SLC35G1: variants seen among roughly 807,000 people sequenced by gnomAD.
The protein encoded by SLC35G1 is solute carrier family 35 member G1.
In SLC35G1, 10 loss-of-function variants were observed where a neutral mutation model predicts 17.1. The observed-to-expected ratio is 0.59, with a 90% CI of 0.36 to 0.99. The LOEUF (loss-of-function observed/expected upper bound fraction) is 0.99. Among genes scored for constraint, SLC35G1 ranks in the 50% least tolerant of loss-of-function variants. SLC35G1 has a pLI of 0.01. For missense variants in SLC35G1, 433 were observed against 468.4 expected, an observed-to-expected ratio of 0.92 and a Z score of 0.70; for synonymous variants, 185 against 181.1, an observed-to-expected ratio of 1.02 and a Z score of -0.18.
chr10:93,909,149 C>T (rs2060444199), exon 3 of SLC35G1: 1 of 152,262 alleles, frequency 6.6e-6, no homozygotes, highest in Admixed American at 6.5e-5. Flanking sequence ...TCTGTCCTAG[C>T]TAGTTTTGTG....
At chr10:93,897,162 G>GT (rs2060338332) in intron 1 of SLC35G1, among the ~76,000 whole-genome samples, 1 of 152,194 alleles carries the variant, frequency 6.6e-6, no homozygotes, top group African/African-American at 2.4e-5. Context: ...TTCCAAAGCA[G>GT]TATCTTCAGC....
At chr10:93,907,160 C>A (rs1267267914), downstream of SLC35G1, 1 of 152,228 alleles carries the variant, frequency 6.6e-6, no homozygotes, top group Non-Finnish European at 1.5e-5. Context: ...GGCCAGATCA[C>A]TTGAGTCCAG....
downstream of SLC35G1, chr10:93,907,922 T>C (rs1041048496): frequency 6.6e-6 from 1 of 152,198 alleles, no homozygotes; most frequent in African/African-American, 2.4e-5. Context: ...ATACATTATG[T>C]CATACATACA....
Position 93,894,116 on chromosome 10 carries a change from C to T in SLC35G1, c.83C>T (p.Thr28Ile), listed in dbSNP as rs1442041651. The T allele has an allele frequency of 6.7e-7, 1 of 1,487,016 alleles. No individual in the cohort carries two copies. Among genetic ancestry groups the T allele is most frequent in the Non-Finnish European group, 8.9e-7 (1 of 1,126,266 alleles). The allele number at this position is 1,487,016 out of a possible 1,614,324, so 92.1% of individuals were successfully genotyped here. A position where few individuals can be genotyped will look rare whatever the true frequency, so the allele number is the denominator to read the frequency against. ...PLTDDAPPGA[T>I]EEPAAAEAAG... ...ACGGACGATGCACCCCCGGGCGCCA[C>T]TGAGGAGCCGGCGGCCGCCGAGGCA... Residue 28 changes from threonine (T) to isoleucine (I), a missense_variant, in exon 1 of 3, where the codon ACT (threonine) becomes ATT (isoleucine). Transcript: ENST00000427197.
chr10:93,898,643 T>C lies in SLC35G1; in HGVS notation c.251T>C (p.Val84Ala), dbSNP rs2060354028. 4 of 1,613,984 alleles carry C rather than the reference T, an allele frequency of 2.5e-6. No individual in the cohort carries two copies. Among genetic ancestry groups the C allele is most frequent in the East Asian group, 2.2e-5 (1 of 44,870 alleles). ...TTATTGTCTGCCTTCCTTTTCTCAG[T>C]GGGCTCTTTATTTGTTAAAAAAGTG... ...YTLLSAFLFS[V>A]GSLFVKKVQD... Residue 84 changes from valine to alanine, a missense_variant, in exon 2 of 3, where the codon GTG (valine) becomes GCG (alanine). Physicochemically the swap from Val to Ala is moderately conservative, Grantham distance 64. Coordinates refer to ENST00000427197, the MANE Select transcript of SLC35G1 (RefSeq NM_001134658.3).
chr10:93,901,032 A>C lies in SLC35G1; in HGVS notation c.640A>C (p.Met214Leu). The change falls in exon 3 of 3, where the codon ATG becomes CTG. Residue 214 changes from methionine (M) to leucine (L), a missense_variant. Coordinates refer to ENST00000427197, the MANE Select transcript of SLC35G1 (RefSeq NM_001134658.3). ...PFLFGSDTSG[M>L]EESYSGHLKG... ...TTTGTTTGGTTCCGACACTTCGGGG[A>C]TGGAAGAAAGCTATTCAGGCCACCT... The C allele has an allele frequency of 6.2e-7, 1 of 1,614,068 alleles. No individual in the cohort carries two copies. The highest frequency in any genetic ancestry group is 8.5e-7 in the Non-Finnish European group (1 of 1,179,986).
At chr10:93,907,393 A>G (rs2060435613), downstream of SLC35G1, 1 of 152,234 alleles carries the variant, frequency 6.6e-6, no homozygotes, top group Non-Finnish European at 1.5e-5. Flanking sequence ...TTATGTGCAA[A>G]ATGATATGTA....
At chr10:93,894,670 A>G (rs12413002) in intron 1 of SLC35G1, among the ~76,000 whole-genome samples, 52,625 of 151,926 alleles carry the variant, frequency 0.35, 9,977 homozygotes, top group Middle Eastern at 0.54. Flanking sequence ...TGTTCGTCCT[A>G]GAGTTTTAGA....
downstream of SLC35G1, among the ~76,000 whole-genome samples, chr10:93,904,930 C>G (rs979316260): frequency 6.6e-6 from 1 of 152,212 alleles, no homozygotes; most frequent in Admixed American, 6.5e-5. Flanking sequence ...ACATGCCTAT[C>G]AGAATGCAAA....
rs1215092831 is a variant in SLC35G1 at position 93,894,051 on chromosome 10, C to T, written c.18C>T (p.Ser6=). The part of the protein sequence containing the change: MRPQD[S]TGVAELQEPG... ...GCCGCGAGATGCGGCCTCAGGACAG[C>T]ACCGGGGTCGCGGAGCTCCAGGAGC... is the stretch of plus-strand genomic sequence containing the variant. The change falls in exon 1 of 3, where the codon AGC becomes AGT. Residue 6 remains serine (S), a synonymous_variant. Coordinates refer to ENST00000427197, the MANE Select transcript of SLC35G1 (RefSeq NM_001134658.3). The T allele has an allele frequency of 1.4e-6, 2 of 1,479,452 alleles. No individual in the cohort carries two copies. The highest frequency in any genetic ancestry group is 1.5e-5 in the African/African-American group (1 of 68,214). The allele number at this position is 1,479,452 out of a possible 1,614,324, so 91.6% of individuals were successfully genotyped here.
Position 93,900,772 on chromosome 10 carries a change from A to G in SLC35G1, c.380A>G (p.Lys127Arg). ...TACAGAACTGGGTTTATAGGCCCAA[A>G]AGGTCAACGAATTTTCCTCATTCTC... ...IYRKTGFIGP[K>R]GQRIFLILRG... The change falls in exon 3 of 3, where the codon AAA (lysine) becomes AGA (arginine). Residue 127 changes from lysine to arginine, a missense_variant. Lys to Arg is a conservative substitution (Grantham distance 26). Coordinates refer to ENST00000427197, the MANE Select transcript of SLC35G1 (RefSeq NM_001134658.3). The G allele has an allele frequency of 6.2e-7, 1 of 1,605,782 alleles. No homozygotes were observed. Among genetic ancestry groups the G allele is most frequent in the Non-Finnish European group, 8.5e-7 (1 of 1,173,666 alleles).
intron 1 of SLC35G1, among the ~76,000 whole-genome samples, chr10:93,897,648 C>A (rs2060343930): frequency 6.6e-6 from 1 of 152,210 alleles, no homozygotes; most frequent in Non-Finnish European, 1.5e-5. Flanking sequence ...AGGTTCTACT[C>A]CTGTGTAGGA....
chr10:93,904,958 C>A (rs2060419212), downstream of SLC35G1, among the ~76,000 whole-genome samples: 1 of 152,190 alleles, frequency 6.6e-6, no homozygotes, highest in African/African-American at 2.4e-5. Flanking sequence ...CGGCCCCCTC[C>A]TGCTAGCACA....
At position 93,898,675 on chromosome 10, in the gene SLC35G1, G is replaced by A. The variant is rs780079596; in HGVS notation, c.283G>A (p.Val95Ile). Residue 95 changes from valine to isoleucine, a missense_variant, in exon 2 of 3, where the codon GTC becomes ATC. Val to Ile is a conservative substitution (Grantham distance 29). Transcript: ENST00000427197. ...GSLFVKKVQD[V>I]HAVEISAFRC... ...TTTATTTGTTAAAAAAGTGCAAGACGTCCATGCTGTAGAGATTAGTGCGTT... is the reference window on the plus strand; with the variant it reads ...TTTATTTGTTAAAAAAGTGCAAGACATCCATGCTGTAGAGATTAGTGCGTT... The A allele has an allele frequency of 1.9e-5, 30 of 1,613,682 alleles. No individual in the cohort carries two copies. Among genetic ancestry groups the A allele is most frequent in the East Asian group, 4.5e-5 (2 of 44,880 alleles).
exon 3 of SLC35G1, chr10:93,909,238 A>G (rs535556080): frequency 6.6e-6 from 1 of 152,126 alleles, no homozygotes; most frequent in African/African-American, 2.4e-5. Flanking sequence ...GACAAGTTAC[A>G]TGACTTTTCG....
At position 93,900,781 on chromosome 10, in the gene SLC35G1, G is replaced by A. The variant is rs752900485; in HGVS notation, c.389G>A (p.Arg130Gln). ...KTGFIGPKGQRIFLILRGVLG... is the reference protein window; with the variant it reads ...KTGFIGPKGQQIFLILRGVLG... ...GGGTTTATAGGCCCAAAAGGTCAAC[G>A]AATTTTCCTCATTCTCAGAGGAGTC... is the stretch of plus-strand genomic sequence containing the variant. The change falls in exon 3 of 3, where the codon CGA becomes CAA. Residue 130 changes from arginine to glutamine, a missense_variant. Coordinates refer to ENST00000427197, the MANE Select transcript of SLC35G1 (RefSeq NM_001134658.3). 2.5e-6 allele frequency: 4 copies of A among 1,607,702 alleles called. No individual in the cohort carries two copies. Among genetic ancestry groups the A allele is most frequent in the East Asian group, 2.2e-5 (1 of 44,702 alleles).
In SLC35G1 at chr10:93,902,039, A is replaced by G. The variant is rs2060394016; in HGVS notation, c.*549A>G. 6.6e-6 allele frequency: 1 copy of G among 152,628 alleles called. No individual in the cohort carries two copies. The highest frequency in any genetic ancestry group is 1.5e-5 in the Non-Finnish European group (1 of 68,040). The allele number at this position is 152,628 out of a possible 1,614,324, so 9.5% of individuals were successfully genotyped here. On this transcript the variant is annotated 3_prime_UTR_variant, in exon 3 of 3. Transcript: ENST00000427197. ...AATAGGTGCCTGCTTAATGGTGTTA[A>G]TAATACAAATGAATTGGCCTTATTT...
rs1391573295 is a variant in SLC35G1, at chr10:93,901,103, G to A, written c.711G>A (p.Ser237=). 7.4e-6 allele frequency: 12 copies of A among 1,614,038 alleles called. No individual in the cohort carries two copies. Among genetic ancestry groups the A allele is most frequent in the Non-Finnish European group, 1.0e-5 (12 of 1,179,936 alleles). The change falls in exon 3 of 3, where the codon TCG becomes TCA. Residue 237 remains serine (S), a synonymous_variant. Transcript: ENST00000427197. ...TTGGAAGTGCCGTATTTGCTGCATC[G>A]ACTCTAGTTATCCTAAGAAAAATGG... ...AAIGSAVFAA[S]TLVILRKMGK... is the part of the protein sequence containing the mutation.
chr10:93,904,537 T>C (rs1257938458), downstream of SLC35G1, among the ~76,000 whole-genome samples: 5 of 152,224 alleles, frequency 3.3e-5, no homozygotes, highest in Non-Finnish European at 7.3e-5. Context: ...TGTCCTTACC[T>C]TCTCTTATTT....
Sources: gnomAD v4.1 joint callset for allele counts (sites outside exome capture counted in the v4.1 genomes callset) on GRCh38, gnomAD v4.1.1 for gene constraint, MANE v1.5 for transcripts, NCBI Gene and HGNC (gene_info 2026-07-23, HGNC 2026-07-21) for gene names.